The following CCL22 variants were observed in gnomAD, a reference collection of about 807,000 sequenced individuals.
The protein encoded by CCL22 is C-C motif chemokine ligand 22.
Under a neutral mutation model 7.6 loss-of-function variants are expected in CCL22, and 7 were observed. The ratio of observed to expected loss-of-function variants is 0.92; its 90% CI spans 0.52 to 1.72. The LOEUF is 1.72. Ranked by LOEUF, CCL22 falls within the 40% of genes most tolerant of loss-of-function variation. CCL22 has a pLI of 0.00. For synonymous variants in CCL22, 55 were observed against 47.2 expected (o/e 1.17, Z -0.68); for missense variants, 115 against 124.7 (o/e 0.92, Z 0.37).
In CCL22 at chr16:57,363,603, T is replaced by C; in HGVS notation, c.*15T>C. The C allele has an allele frequency of 6.3e-7, 1 of 1,587,344 alleles. No homozygotes were observed. The highest frequency in any genetic ancestry group is 8.7e-7 in the Non-Finnish European group (1 of 1,155,782). On this transcript the variant is annotated 3_prime_UTR_variant, in exon 3 of 3. Transcript: ENST00000219235. ...TGAGCCAATGAAGAGCCTACTCTGATGACCGTGGCCTTGGCTCCTCCAGGA... is the reference window on the plus strand; with the variant it reads ...TGAGCCAATGAAGAGCCTACTCTGACGACCGTGGCCTTGGCTCCTCCAGGA...
At chr16:57,360,701 C>A in intron 2 of CCL22, 141 bp downstream of exon 2, 1 of 1,023,316 alleles carries the variant, frequency 9.8e-7, no homozygotes. Flanking sequence ...GATGGCTTGG[C>A]TGGAAGAGAT....
In CCL22 at chr16:57,358,869, C is replaced by T. The variant is rs146388634; in HGVS notation, c.53C>T (p.Ala18Val). 39 of 1,613,662 alleles carry T rather than the reference C, an allele frequency of 2.4e-5. No individual in the cohort carries two copies. The highest frequency in any genetic ancestry group is 3.1e-5 in the Non-Finnish European group (36 of 1,179,854). The change falls in exon 1 of 3, where the codon GCG becomes GTG. Residue 18 changes from alanine to valine, a missense_variant. Ala to Val is a moderately conservative substitution (Grantham distance 64). Coordinates refer to ENST00000219235, the MANE Select transcript of CCL22 (RefSeq NM_002990.5). The stretch of plus-strand genomic sequence containing the variant: ...GTTGTCCTCGTCCTCCTTGCTGTGG[C>T]GCTTCAAGCAACTGAGGCAGGTGAG... ...LLVVLVLLAV[A>V]LQATEAGPYG...
chr16:57,363,829 A>G lies in CCL22; in HGVS notation c.*241A>G. 1 of 487,572 alleles carries G rather than the reference A, an allele frequency of 2.1e-6. No homozygotes were observed. The highest frequency in any genetic ancestry group is 3.7e-6 in the Non-Finnish European group (1 of 267,396). The allele number at this position is 487,572 out of a possible 1,614,324, so 30.2% of individuals were successfully genotyped here. A position where few individuals can be genotyped will look rare whatever the true frequency, so the allele number is the denominator to read the frequency against. ...TCAGAGGGTCCTGTTCCCATCAGCGATTCCCCTGCTTAAACCCTTCCATGA... is the reference window on the plus strand; with the variant it reads ...TCAGAGGGTCCTGTTCCCATCAGCGGTTCCCCTGCTTAAACCCTTCCATGA... On this transcript the variant is annotated 3_prime_UTR_variant, in exon 3 of 3. Coordinates refer to ENST00000219235, the MANE Select transcript of CCL22 (RefSeq NM_002990.5).
At chr16:57,361,400 C>T (rs1413195504) in intron 2 of CCL22, among the ~76,000 whole-genome samples, 2 of 152,062 alleles carry the variant, frequency 1.3e-5, no homozygotes, top group Admixed American at 1.3e-4. Context: ...GAGTGCCAGG[C>T]ACTGTTCTGA....
At position 57,363,242 on chromosome 16, in the gene CCL22, G is replaced by A. The variant is rs568536329; in HGVS notation, c.198-262G>A. On this transcript the variant is annotated intron_variant, in intron 2 of 2. Transcript: ENST00000219235. ...ACCCCTAGGCTCAAACAATCCTCCT[G>A]CCTCGGCCTCCCAAAGTGCTGGGAT... is the stretch of plus-strand genomic sequence containing the variant. Among the ~76,000 whole-genome samples, 72 of 152,198 alleles carry A rather than the reference G, an allele frequency of 4.7e-4. No individual in the cohort carries two copies. In the South Asian group the frequency reaches 8.5e-3, roughly 18 times the overall value.
rs1902106413 is a variant in CCL22, at chr16:57,365,976, G to C, written c.*2388G>C. 6.6e-6 allele frequency: 1 copy of C among 152,252 alleles called. No homozygotes were observed. The highest frequency in any genetic ancestry group is 1.5e-5 in the Non-Finnish European group (1 of 68,070). 9.4% of individuals were successfully genotyped at this position (152,252 alleles called of 1,614,324 possible). A position where few individuals can be genotyped will look rare whatever the true frequency, so the allele number is the denominator to read the frequency against. On this transcript the variant is annotated 3_prime_UTR_variant, in exon 3 of 3. Coordinates refer to ENST00000219235, the MANE Select transcript of CCL22 (RefSeq NM_002990.5). ...GCTTGCTGTGGGGCTCAGGTTGAAA[G>C]TGTGGGGAGTGACACTGCCTAGGCA...
In CCL22 at chr16:57,364,051, C is replaced by T. The variant is rs951609426; in HGVS notation, c.*463C>T. On this transcript the variant is annotated 3_prime_UTR_variant, in exon 3 of 3. Coordinates refer to ENST00000219235, the MANE Select transcript of CCL22 (RefSeq NM_002990.5). The stretch of plus-strand genomic sequence containing the variant: ...TGTTGCTGACACCCAGAAAGTCCCA[C>T]CACCTGCACATGTGTAGCCCCACCA... 17 of 167,566 alleles carry T rather than the reference C, an allele frequency of 1.0e-4. No homozygotes were observed. Among genetic ancestry groups the T allele is most frequent in the South Asian group, 3.1e-4 (2 of 6,460 alleles). The allele number at this position is 167,566 out of a possible 1,614,324, so 10.4% of individuals were successfully genotyped here.
intron 1 of CCL22, among the ~76,000 whole-genome samples, chr16:57,359,136 C>T (rs1443879848): frequency 1.3e-5 from 2 of 151,938 alleles, no homozygotes; most frequent in East Asian, 1.9e-4. Context: ...GGCATAGCCT[C>T]GGGATCTCCT....
intron 2 of CCL22, among the ~76,000 whole-genome samples, chr16:57,362,667 C>T (rs1229530158): frequency 1.3e-5 from 2 of 152,032 alleles, no homozygotes; most frequent in East Asian, 3.9e-4. Flanking sequence ...TCAAGAGCAG[C>T]CTGGCCAACA....
At chr16:57,362,879 CAAAA>C (rs1902064807) in intron 2 of CCL22, among the ~76,000 whole-genome samples, 1 of 102,964 alleles carries the variant, frequency 9.7e-6, no homozygotes, top group Admixed American at 9.5e-5. Context: ...CAAAACAAAA[CAAAA>C]CAAAAACAAA....
rs1902102449 is a variant in CCL22 at position 57,365,654 on chromosome 16, C to G, written c.*2066C>G. On this transcript the variant is annotated 3_prime_UTR_variant, in exon 3 of 3. Coordinates refer to ENST00000219235, the MANE Select transcript of CCL22 (RefSeq NM_002990.5). ...ACGGGGTTTTGCCATGTTACCCAGG[C>G]TGGTCTCAAACTCCTGGGCTCAAGC... 6.6e-6 allele frequency: 1 copy of G among 152,302 alleles called. No homozygotes were observed. Among genetic ancestry groups the G allele is most frequent in the African/African-American group, 2.4e-5 (1 of 41,368 alleles). 9.4% of individuals were successfully genotyped at this position (152,302 alleles called of 1,614,324 possible).
intron 2 of CCL22, 49 bp from the exon 3 acceptor site, chr16:57,363,455 T>C (rs1167305478): frequency 1.6e-5 from 21 of 1,273,244 alleles, no homozygotes; most frequent in Non-Finnish European, 2.4e-5. Context: ...GTGGCATCCT[T>C]GCTGCGTGCT....
At chr16:57,359,096 T>C (rs1228129406) in intron 1 of CCL22, among the ~76,000 whole-genome samples, 1 of 152,102 alleles carries the variant, frequency 6.6e-6, no homozygotes, top group Admixed American at 6.6e-5. Flanking sequence ...GAGTCTAGGA[T>C]CTGTCTCACC....
chr16:57,364,383 A>C lies in CCL22; in HGVS notation c.*795A>C, dbSNP rs1037486603. 1 of 152,026 alleles carries C rather than the reference A, an allele frequency of 6.6e-6. No individual in the cohort carries two copies. Among genetic ancestry groups the C allele is most frequent in the Admixed American group, 6.6e-5 (1 of 15,256 alleles). 9.4% of individuals were successfully genotyped at this position (152,026 alleles called of 1,614,324 possible). On this transcript the variant is annotated 3_prime_UTR_variant, in exon 3 of 3. Transcript: ENST00000219235. The stretch of plus-strand genomic sequence containing the variant: ...CCTCTCCCTGCCAAAAGGCAGTTAC[A>C]TATCAATACAGAGACTCAAGGTCAC...
upstream of CCL22, among the ~76,000 whole-genome samples, chr16:57,358,141 T>C (rs1403664730): frequency 2.6e-5 from 4 of 151,738 alleles, no homozygotes; most frequent in Admixed American, 2.6e-4. Flanking sequence ...CAACGGGACA[T>C]GGACATGGTG....
chr16:57,360,613 TGG>T (rs1902038866), intron 2 of CCL22, 53 bp downstream of exon 2: 1 of 1,609,956 alleles, frequency 6.2e-7, no homozygotes, highest in African/African-American at 1.3e-5. Flanking sequence ...GGGTACAGCC[TGG>T]GATGGCCCAG....
In CCL22 at chr16:57,360,420, G is replaced by T; in HGVS notation, c.74-17G>T. On this transcript the variant is annotated splice_polypyrimidine_tract_variant and intron_variant, in intron 1 of 2. Transcript: ENST00000219235. ...CTGGGCTCCAGCTTGTGAATTCACT[G>T]GGGACCCCTCCCCTAGGCCCCTACG... 1 of 1,613,958 alleles carries T rather than the reference G, an allele frequency of 6.2e-7. No individual in the cohort carries two copies. The highest frequency in any genetic ancestry group is 8.5e-7 in the Non-Finnish European group (1 of 1,179,926).
chr16:57,361,901 C>CT (rs1488976468), intron 2 of CCL22, among the ~76,000 whole-genome samples: 1 of 152,192 alleles, frequency 6.6e-6, no homozygotes, highest in African/African-American at 2.4e-5. Context: ...GTTCTTGTCT[C>CT]TTTAACTCTG....
At chr16:57,361,867 G>T (rs1421516585) in intron 2 of CCL22, among the ~76,000 whole-genome samples, 1 of 152,132 alleles carries the variant, frequency 6.6e-6, no homozygotes, top group Non-Finnish European at 1.5e-5. Context: ...AATAAAAAAG[G>T]CTGAAGCAGG....
Sources: gnomAD v4.1 joint callset for allele counts (sites outside exome capture counted in the v4.1 genomes callset) on GRCh38, gnomAD v4.1.1 for gene constraint, MANE v1.5 for transcripts, NCBI Gene and HGNC (gene_info 2026-07-23, HGNC 2026-07-21) for gene names.